The following PCDH17 variants were observed in gnomAD, a reference collection of about 807,000 sequenced individuals.
The protein encoded by PCDH17 is protocadherin-17.
A neutral mutation model predicts 67.7 loss-of-function variants in PCDH17; 21 were observed. The ratio of observed to expected loss-of-function variants is 0.31; its 90% CI spans 0.22 to 0.45. The LOEUF is 0.45. PCDH17 is among the 20% of genes least tolerant of loss of function. The pLI, the probability that PCDH17 is intolerant of heterozygous loss-of-function variation, is 1.00. For synonymous variants in PCDH17, 701 were observed against 656.7 expected (o/e 1.07, Z -1.03); for missense variants, 1,471 against 1,564.8 (o/e 0.94, Z 1.01).
Position 57,633,405 on chromosome 13 carries a change from C to A in PCDH17, c.859C>A (p.Pro287Thr). 6.2e-7 allele frequency: 1 copy of A among 1,613,390 alleles called. No homozygotes were observed. The highest frequency in any genetic ancestry group is 1.7e-5 in the Admixed American group (1 of 60,020). Residue 287 changes from proline to threonine, a missense_variant, in exon 1 of 4, where the codon CCT becomes ACT. Around this residue, in one of 3 missense-constraint regions of PCDH17, gnomAD observed 1,163 missense variants for 1,230.0 expected, o/e 0.95. Coordinates refer to ENST00000377918, the MANE Select transcript of PCDH17 (RefSeq NM_001040429.3). The surrounding 1 kb of genome is among the most constrained non-coding windows in gnomAD (Gnocchi z 6.2). The part of the protein sequence containing the change: ...EVLYSFSSYV[P>T]DRVRELFSID... ...GCTCTACTCTTTCAGCAGCTACGTGCCTGACCGCGTGCGGGAGCTCTTCTC... is the reference window on the plus strand; with the variant it reads ...GCTCTACTCTTTCAGCAGCTACGTGACTGACCGCGTGCGGGAGCTCTTCTC...
chr13:57,718,850 A>G (rs558333405), intron 3 of PCDH17, among the ~76,000 whole-genome samples: 1 of 152,062 alleles, frequency 6.6e-6, no homozygotes, highest in Admixed American at 6.6e-5. Flanking sequence ...AATTGTGTGT[A>G]TGTGCTGAAG....
At chr13:57,644,050 A>T (rs1425786768) in intron 1 of PCDH17, among the ~76,000 whole-genome samples, 1 of 151,770 alleles carries the variant, frequency 6.6e-6, no homozygotes, top group Admixed American at 6.6e-5. Flanking sequence ...ATATATCAGA[A>T]AACAGTAACT....
chr13:57,666,942 T>A, intron 3 of PCDH17, 109 bp downstream of exon 3: 1 of 788,232 alleles, frequency 1.3e-6, no homozygotes, highest in Non-Finnish European at 1.8e-6. Context: ...ATTTATAATA[T>A]ATCAAAGAAA....
chr13:57,711,023 C>A (rs548947644), intron 3 of PCDH17, among the ~76,000 whole-genome samples: 2 of 151,914 alleles, frequency 1.3e-5, no homozygotes, highest in Non-Finnish European at 2.9e-5. Flanking sequence ...ATAAAGTCTT[C>A]CTTGTTACCC....
chr13:57,717,549 A>G (rs563418935), intron 3 of PCDH17, among the ~76,000 whole-genome samples: 1 of 152,052 alleles, frequency 6.6e-6, no homozygotes, highest in East Asian at 1.9e-4. Flanking sequence ...AATGCTCCAA[A>G]CAGCTCCAAA....
At chr13:57,724,467 G>A in intron 3 of PCDH17, 145 bp from the exon 4 acceptor site, 1 of 644,644 alleles carries the variant, frequency 1.6e-6, no homozygotes, top group East Asian at 2.7e-5. Flanking sequence ...CAACCATCCT[G>A]AAATGTTTTA....
At chr13:57,714,699 C>A (rs1428378515) in intron 3 of PCDH17, among the ~76,000 whole-genome samples, 1 of 151,722 alleles carries the variant, frequency 6.6e-6, no homozygotes, top group Non-Finnish European at 1.5e-5. Context: ...AAATCAGGTT[C>A]TTTCGGAAAT....
intron 3 of PCDH17, among the ~76,000 whole-genome samples, chr13:57,711,830 T>C (rs1006875530): frequency 6.6e-6 from 1 of 151,428 alleles, no homozygotes; most frequent in Non-Finnish European, 1.5e-5. Flanking sequence ...CATATAGATA[T>C]AATCTTTGTG....
chr13:57,662,551 G>A (rs1455592922), intron 1 of PCDH17, among the ~76,000 whole-genome samples: 3 of 151,808 alleles, frequency 2.0e-5, no homozygotes, highest in Non-Finnish European at 4.4e-5. Flanking sequence ...CATGTAAGTG[G>A]CCATATCAAA....
At chr13:57,685,729 T>A (rs1289249230) in intron 3 of PCDH17, among the ~76,000 whole-genome samples, 1 of 151,906 alleles carries the variant, frequency 6.6e-6, no homozygotes, top group Non-Finnish European at 1.5e-5. Context: ...TGGAGTCAGA[T>A]TGTGGATGGG....
At chr13:57,636,669 A>G (rs781265354) in intron 1 of PCDH17, among the ~76,000 whole-genome samples, 2 of 152,188 alleles carry the variant, frequency 1.3e-5, no homozygotes, top group African/African-American at 2.4e-5. Context: ...GGTTTCTATG[A>G]AAGTATTTCT....
intron 3 of PCDH17, among the ~76,000 whole-genome samples, chr13:57,679,110 CA>C (rs1424236842): frequency 6.6e-6 from 1 of 150,726 alleles, no homozygotes; most frequent in Non-Finnish European, 1.5e-5. Context: ...TTTTATTCAC[CA>C]AAAAAGTAAC....
At chr13:57,713,137 A>G (rs1955790778) in intron 3 of PCDH17, among the ~76,000 whole-genome samples, 1 of 151,586 alleles carries the variant, frequency 6.6e-6, no homozygotes, top group African/African-American at 2.4e-5. Flanking sequence ...CTCTCTTTTA[A>G]TATGTAAATT....
At position 57,632,623 on chromosome 13, in the gene PCDH17, C is replaced by G. The variant is rs1028264363; in HGVS notation, c.77C>G (p.Pro26Arg). Residue 26 changes from proline (P) to arginine (R), a missense_variant, in exon 1 of 4, where the codon CCG becomes CGG. By Grantham distance (103) the Pro-to-Arg change is moderately radical. This residue lies in a region of PCDH17 where 1,163 missense variants were observed against 1,230.0 expected (regional missense o/e 0.95). Coordinates refer to ENST00000377918, the MANE Select transcript of PCDH17 (RefSeq NM_001040429.3). ...CTCAAGAACCTCAACTACTCCGTGCCGGAGGAGCAAGGGGCCGGCACGGTG... is the reference window on the plus strand; with the variant it reads ...CTCAAGAACCTCAACTACTCCGTGCGGGAGGAGCAAGGGGCCGGCACGGTG... ...LTLKNLNYSV[P>R]EEQGAGTVIG... 5.0e-6 allele frequency: 8 copies of G among 1,613,586 alleles called. No individual in the cohort carries two copies. The African/African-American group carries it at 5.3e-5, about 11-fold the overall frequency.
Position 57,704,235 on chromosome 13 carries a change from T to C in PCDH17, c.2798-20377T>C, listed in dbSNP as rs367933139. On this transcript the variant is annotated intron_variant, in intron 3 of 3. Coordinates refer to ENST00000377918, the MANE Select transcript of PCDH17 (RefSeq NM_001040429.3). ...TGACATCAAAGTGAAATGGTTTAAA[T>C]GATTTCTCTCTTCTTTGTAGCCATT... 2.8e-4 allele frequency among the ~76,000 whole-genome samples: 42 copies of C among 152,238 alleles called. No individual in the cohort carries two copies. The East Asian group carries it at 6.8e-3, about 25-fold the overall frequency.
intron 1 of PCDH17, among the ~76,000 whole-genome samples, chr13:57,637,280 C>T (rs1020895275): frequency 1.3e-5 from 2 of 152,132 alleles, no homozygotes; most frequent in East Asian, 1.9e-4. Context: ...CTAGAAATAT[C>T]CTCAACATGC....
intron 3 of PCDH17, among the ~76,000 whole-genome samples, chr13:57,686,043 G>A (rs912822796): frequency 6.6e-6 from 1 of 151,598 alleles, no homozygotes; most frequent in African/African-American, 2.4e-5. Flanking sequence ...GAGTCATGAT[G>A]TTACCACTGC....
intron 3 of PCDH17, among the ~76,000 whole-genome samples, 186 bp downstream of exon 3, chr13:57,667,019 G>A (rs999316619): frequency 1.3e-5 from 2 of 152,072 alleles, no homozygotes; most frequent in East Asian, 3.9e-4. Flanking sequence ...AACGAAAAAC[G>A]AAGGCCCTGG....
chr13:57,720,323 G>A (rs1315309968), intron 3 of PCDH17, among the ~76,000 whole-genome samples: 2 of 151,998 alleles, frequency 1.3e-5, no homozygotes, highest in Non-Finnish European at 2.9e-5. Context: ...GACAGTTAAA[G>A]TGTTGATCTA....
Sources: gnomAD v4.1 joint callset for allele counts (sites outside exome capture counted in the v4.1 genomes callset) on GRCh38, gnomAD v4.1.1 for gene constraint, gnomAD v4.1.1 regional missense constraint, Gnocchi (gnomAD v3.1) non-coding constraint, MANE v1.5 for transcripts, NCBI Gene and HGNC (gene_info 2026-07-23, HGNC 2026-07-21) for gene names.